Variants in PCDHA5 observed in about 807,000 individuals in gnomAD.
The protein encoded by PCDHA5 is protocadherin alpha 5.
PCDHA5 carries 43 observed loss-of-function variants against 61.6 expected under a neutral mutation model. The observed-to-expected ratio is 0.70, with a 90% CI of 0.55 to 0.90. The LOEUF is 0.90. Among genes scored for constraint, PCDHA5 ranks in the 40% least tolerant of loss-of-function variants. The pLI is 0.00. For synonymous variants in PCDHA5, 627 were observed against 543.9 expected (o/e 1.15, Z -2.13); for missense variants, 1,298 against 1,222.7 (o/e 1.06, Z -0.92).
chr5:140,840,088 T>G (rs1346401195), intron 1 of PCDHA5, among the ~76,000 whole-genome samples: 2 of 152,012 alleles, frequency 1.3e-5, no homozygotes, highest in African/African-American at 2.4e-5. Context: ...ATAAACTTGT[T>G]GAAGATTTTA....
intron 1 of PCDHA5, among the ~76,000 whole-genome samples, chr5:140,936,094 T>C (rs2090766117): frequency 6.6e-6 from 1 of 152,116 alleles, no homozygotes; most frequent in South Asian, 2.1e-4. Flanking sequence ...GGTTTCACCA[T>C]GTTGGCCAGG....
intron 3 of PCDHA5, among the ~76,000 whole-genome samples, chr5:141,008,546 A>G (rs2098381708): frequency 6.6e-6 from 1 of 150,382 alleles, no homozygotes; most frequent in Non-Finnish European, 1.5e-5. Flanking sequence ...TTTATTGAAA[A>G]CTCCTGTGGA....
intron 1 of PCDHA5, among the ~76,000 whole-genome samples, chr5:140,897,549 T>C (rs1356591020): frequency 2.6e-5 from 4 of 152,140 alleles, no homozygotes; most frequent in African/African-American, 7.2e-5. Flanking sequence ...TAGTCTTCCA[T>C]GGTGTATATG....
chr5:140,966,061 C>T (rs2095963591), intron 1 of PCDHA5, among the ~76,000 whole-genome samples: 1 of 152,222 alleles, frequency 6.6e-6, no homozygotes, highest in Non-Finnish European at 1.5e-5. Flanking sequence ...CCCAGAGCGC[C>T]TCCCCCTGCG....
chr5:140,869,934 A>ATTTTTTTTC, intron 1 of PCDHA5: 1 of 1,612,052 alleles, frequency 6.2e-7, no homozygotes, highest in African/African-American at 1.3e-5. Context: ...ATGGAGAGGT[A>ATTTTTTTTC]ACATACTCCT....
At chr5:140,836,397 A>G (rs1554135905) in intron 1 of PCDHA5, 6 of 1,613,640 alleles carry the variant, frequency 3.7e-6, no homozygotes, top group Non-Finnish European at 5.1e-6. Flanking sequence ...GCTGGTGGAA[A>G]GCGGCCAGGC....
Position 140,857,347 on chromosome 5 carries a change from G to T in PCDHA5, c.2352+33220G>T, listed in dbSNP as rs781930086. 8.1e-6 allele frequency: 13 copies of T among 1,598,236 alleles called. No homozygotes were observed. The African/African-American group carries it at 1.1e-4, about 13-fold the overall frequency. On this transcript the variant is annotated intron_variant, in intron 1 of 3. Coordinates refer to ENST00000529859, the MANE Select transcript of PCDHA5 (RefSeq NM_018908.3). The stretch of plus-strand genomic sequence containing the variant: ...CCGCGCGGGACGGGGGCTCGCCTCC[G>T]CTGTGGGCCACGGCCAGCGTGTCTG...
intron 1 of PCDHA5, chr5:140,834,446 A>G (rs1220656854): frequency 1.2e-5 from 19 of 1,598,524 alleles, no homozygotes; most frequent in Non-Finnish European, 1.6e-5. Context: ...TTATAATTCT[A>G]GCAGCTTGGG....
In PCDHA5 at chr5:140,823,740, G is replaced by A. The variant is rs887046242; in HGVS notation, c.1965G>A (p.Glu655=). Residue 655 remains glutamate, a synonymous_variant, in exon 1 of 4, where the codon GAG becomes GAA. Transcript: ENST00000529859. ...TGGTGCTGGTGAAGGACCATGGAGA[G>A]CCCCCGCTGACAGCCACAGCCACAG... ...RLLVLVKDHG[E]PPLTATATVL... is the part of the protein sequence containing the mutation. The A allele has an allele frequency of 1.2e-6, 2 of 1,613,846 alleles. No homozygotes were observed. The highest frequency in any genetic ancestry group is 1.7e-6 in the Non-Finnish European group (2 of 1,179,938).
At chr5:140,978,909 C>G (rs782321430) in intron 1 of PCDHA5, 40 bp from the exon 2 acceptor site, 2 of 1,613,660 alleles carry the variant, frequency 1.2e-6, no homozygotes, top group South Asian at 2.2e-5. Context: ...AGAACATTGT[C>G]TTGTCATTTT....
intron 3 of PCDHA5, among the ~76,000 whole-genome samples, chr5:141,006,608 G>A (rs2098279719): frequency 6.6e-6 from 1 of 152,200 alleles, no homozygotes; most frequent in African/African-American, 2.4e-5. Flanking sequence ...GAAGCAGACT[G>A]AATAAGGAGA....
At chr5:140,908,704 C>T (rs1241248582) in intron 1 of PCDHA5, among the ~76,000 whole-genome samples, 12 of 152,178 alleles carry the variant, frequency 7.9e-5, no homozygotes, top group African/African-American at 2.9e-4. Context: ...CCTCAAGCAC[C>T]ATTGGATCTG....
intron 1 of PCDHA5, chr5:140,850,480 C>A: frequency 6.3e-7 from 1 of 1,597,900 alleles, no homozygotes; most frequent in African/African-American, 1.3e-5. Context: ...CTGACGGCCA[C>A]GGCCACTGTG....
At chr5:140,902,313 C>T (rs2069368502) in intron 1 of PCDHA5, among the ~76,000 whole-genome samples, 1 of 150,820 alleles carries the variant, frequency 6.6e-6, no homozygotes, top group African/African-American at 2.4e-5. Context: ...GCTGGGATTA[C>T]AGGTGTAACT....
chr5:140,884,692 G>A, intron 1 of PCDHA5: 7 of 1,528,834 alleles, frequency 4.6e-6, no homozygotes, highest in Non-Finnish European at 6.1e-6. Context: ...AATTGTCTTA[G>A]TAAACACTTT....
chr5:140,917,669 C>G (rs555314392), intron 1 of PCDHA5, among the ~76,000 whole-genome samples: 2 of 152,140 alleles, frequency 1.3e-5, no homozygotes, highest in Non-Finnish European at 2.9e-5. Context: ...AGTCCTTTCT[C>G]CATTGCTTGT....
chr5:140,876,784 A>T (rs1336979041), intron 1 of PCDHA5: 1 of 1,614,094 alleles, frequency 6.2e-7, no homozygotes, highest in Non-Finnish European at 8.5e-7. Flanking sequence ...GCTGTGGGCC[A>T]CGGCTAGAGT....
At chr5:140,827,906 A>G in intron 1 of PCDHA5, 1 of 808,566 alleles carries the variant, frequency 1.2e-6, no homozygotes, top group South Asian at 1.8e-5. Context: ...TTGGAGCCGC[A>G]TGATGTCGCT....
chr5:140,857,990 G>C lies in PCDHA5; in HGVS notation c.2352+33863G>C, dbSNP rs570220982. ...TGACTCGCCACGCCAGCGCCTACTG[G>C]TGCTGGTGAAGGACCATGGCGAGCC... On this transcript the variant is annotated intron_variant, in intron 1 of 3. Transcript: ENST00000529859. 3.7e-5 allele frequency: 59 copies of C among 1,597,202 alleles called. 9 individuals are homozygous for C. In the South Asian group the frequency reaches 5.7e-4, roughly 16 times the overall value.
Sources: allele counts gnomAD v4.1 joint callset (sites outside exome capture counted in the v4.1 genomes callset), GRCh38; gene constraint gnomAD v4.1.1; transcripts MANE v1.5; gene names NCBI Gene and HGNC (gene_info 2026-07-23, HGNC 2026-07-21).